LSAMP: variants seen among roughly 807,000 people sequenced by gnomAD.
LSAMP encodes limbic system associated membrane protein.
LSAMP carries 7 observed loss-of-function variants against 38.6 expected under a neutral mutation model. The ratio of observed to expected loss-of-function variants is 0.18; its 90% CI spans 0.10 to 0.34. The LOEUF is 0.34. Among genes scored for constraint, LSAMP ranks in the 10% least tolerant of loss-of-function variants. The pLI is 1.00. For synonymous variants in LSAMP, 154 were observed against 166.8 expected, an observed-to-expected ratio of 0.92 and a Z score of 0.59; for missense variants, 313 against 420.0, an observed-to-expected ratio of 0.75 and a Z score of 2.23.
At chr3:115,908,072 G>C (rs756817255) in intron 3 of LSAMP, among the ~76,000 whole-genome samples, 21 of 149,932 alleles carry the variant, frequency 1.4e-4, no homozygotes, top group Admixed American at 1.1e-3. Flanking sequence ...TGACCATACA[G>C]GGAAGATAAG....
intron 2 of LSAMP, among the ~76,000 whole-genome samples, chr3:116,078,856 A>C (rs939707375): frequency 1.3e-5 from 2 of 152,084 alleles, no homozygotes; most frequent in Non-Finnish European, 2.9e-5. Flanking sequence ...TCCTGGTACC[A>C]GCTGTTTCTC....
chr3:115,946,442 G>A (rs1576244307), intron 3 of LSAMP, among the ~76,000 whole-genome samples: 2 of 152,296 alleles, frequency 1.3e-5, no homozygotes, highest in East Asian at 3.9e-4. Flanking sequence ...AGATGTCTAT[G>A]TGAGGGCAAG....
chr3:115,940,195 C>T (rs988329257), intron 3 of LSAMP, among the ~76,000 whole-genome samples: 1 of 152,090 alleles, frequency 6.6e-6, no homozygotes, highest in Non-Finnish European at 1.5e-5. Flanking sequence ...AAAGAGTAAG[C>T]AAGATTTATT....
chr3:116,148,803 A>T (rs189334185), intron 1 of LSAMP, among the ~76,000 whole-genome samples: 1 of 152,202 alleles, frequency 6.6e-6, no homozygotes, highest in East Asian at 1.9e-4. Context: ...CAGTAACAAT[A>T]TTGGACAATA....
intron 1 of LSAMP, among the ~76,000 whole-genome samples, chr3:116,420,741 G>A (rs1199242259): frequency 6.6e-6 from 1 of 152,026 alleles, no homozygotes; most frequent in African/African-American, 2.4e-5. Context: ...GCCGGGCGTG[G>A]TGGTATGCAT....
chr3:116,179,057 A>G (rs980510357), intron 1 of LSAMP, among the ~76,000 whole-genome samples: 1 of 151,936 alleles, frequency 6.6e-6, no homozygotes, highest in Non-Finnish European at 1.5e-5. Flanking sequence ...TCTTAACAGC[A>G]GTGGCCTCCT....
intron 1 of LSAMP, among the ~76,000 whole-genome samples, chr3:116,224,588 T>G (rs1288345023): frequency 3.9e-5 from 6 of 152,236 alleles, no homozygotes; most frequent in Non-Finnish European, 8.8e-5. Flanking sequence ...CGTGTTCACG[T>G]TCTAGTTCAT....
At chr3:116,187,466 C>A (rs538026350) in intron 1 of LSAMP, among the ~76,000 whole-genome samples, 1 of 152,132 alleles carries the variant, frequency 6.6e-6, no homozygotes, top group Non-Finnish European at 1.5e-5. Flanking sequence ...TCCTTGTTTG[C>A]CTGGTTTCTA....
chr3:116,236,965 CAT>C (rs71618785), intron 1 of LSAMP, among the ~76,000 whole-genome samples: 2 of 61,022 alleles, frequency 3.3e-5, no homozygotes, highest in Non-Finnish European at 9.8e-5. Context: ...TATATATATG[CAT>C]ATATATACAT....
At chr3:115,907,638 T>C (rs1193941555) in intron 3 of LSAMP, among the ~76,000 whole-genome samples, 2 of 152,314 alleles carry the variant, frequency 1.3e-5, no homozygotes, top group Middle Eastern at 3.4e-3. Context: ...CATCTGACCC[T>C]GCATGAAAGA....
At chr3:116,098,224 C>T (rs73139202) in intron 1 of LSAMP, among the ~76,000 whole-genome samples, 2 of 151,764 alleles carry the variant, frequency 1.3e-5, no homozygotes, top group Non-Finnish European at 2.9e-5. Flanking sequence ...GGAGCCCGGG[C>T]GCAGTGGCTC....
At chr3:116,358,107 T>A (rs138617092) in intron 1 of LSAMP, among the ~76,000 whole-genome samples, 2 of 152,236 alleles carry the variant, frequency 1.3e-5, no homozygotes, top group African/African-American at 4.8e-5. Context: ...GTATGTTTAG[T>A]CTAACCGCCT....
chr3:116,031,539 T>C (rs13089808), intron 2 of LSAMP, among the ~76,000 whole-genome samples: 26 of 9,022 alleles, frequency 2.9e-3, no homozygotes, highest in African/African-American at 0.013. Context: ...GCCTAAATTC[T>C]TTTTTTTTTT....
intron 3 of LSAMP, among the ~76,000 whole-genome samples, chr3:116,002,364 C>T (rs1047048881): frequency 2.6e-5 from 4 of 152,132 alleles, no homozygotes; most frequent in African/African-American, 4.8e-5. Flanking sequence ...TTCTTGGTGC[C>T]AGACACTGGA....
intron 1 of LSAMP, among the ~76,000 whole-genome samples, chr3:116,404,566 A>G (rs893471664): frequency 3.3e-5 from 5 of 152,162 alleles, no homozygotes; most frequent in Non-Finnish European, 7.4e-5. Flanking sequence ...ATAAATGTAA[A>G]TAAGTCGTAA....
At chr3:116,050,809 TTCTG>T (rs1392242168) in intron 2 of LSAMP, among the ~76,000 whole-genome samples, 1 of 152,174 alleles carries the variant, frequency 6.6e-6, no homozygotes, top group Non-Finnish European at 1.5e-5. Flanking sequence ...TGCTATGAAA[TTCTG>T]TCTTTTTTCC....
chr3:116,054,553 G>A lies in LSAMP; in HGVS notation c.388+31771C>T, dbSNP rs559664011. On this transcript the variant is annotated intron_variant, in intron 2 of 6. Transcript: ENST00000490035. ...TTGGTCCTATTCATGGTCTCTCACA[G>A]GTGAATCAAAGTAGCCCGAGAGAAA... Among the ~76,000 whole-genome samples the A allele has an allele frequency of 2.0e-5, 3 of 152,160 alleles. No individual in the cohort carries two copies. The East Asian group carries it at 5.8e-4, about 29-fold the overall frequency.
intron 1 of LSAMP, among the ~76,000 whole-genome samples, chr3:116,171,449 G>A (rs1255175342): frequency 6.6e-6 from 1 of 151,976 alleles, no homozygotes; most frequent in Non-Finnish European, 1.5e-5. Flanking sequence ...TCTTACTACT[G>A]CTCCTATTAT....
chr3:115,984,255 A>C (rs1190969131), intron 3 of LSAMP, among the ~76,000 whole-genome samples: 1 of 152,184 alleles, frequency 6.6e-6, no homozygotes, highest in Non-Finnish European at 1.5e-5. Context: ...AATGGATATG[A>C]ATGGGAAACA....
Sources: allele counts gnomAD v4.1 joint callset (sites outside exome capture counted in the v4.1 genomes callset), GRCh38; gene constraint gnomAD v4.1.1; transcripts MANE v1.5; gene names NCBI Gene and HGNC (gene_info 2026-07-23, HGNC 2026-07-21).